Variants in LMTK2 observed in about 807,000 individuals in gnomAD.
The protein encoded by LMTK2 is lemur tail kinase 2.
A neutral mutation model predicts 127.5 loss-of-function variants in LMTK2; 37 were observed. That is an observed-to-expected ratio of 0.29 (90% confidence interval 0.22 to 0.38). The LOEUF is 0.38. Ranked by LOEUF, LMTK2 falls within the 10% of genes least tolerant of loss-of-function variation. The pLI is 1.00. For synonymous variants in LMTK2, 819 were observed against 810.1 expected (o/e 1.01, Z -0.19); for missense variants, 1,694 against 1,920.3 (o/e 0.88, Z 2.20).
At chr7:98,162,187 T>C (rs1797026854) in intron 6 of LMTK2, among the ~76,000 whole-genome samples, 1 of 152,246 alleles carries the variant, frequency 6.6e-6, no homozygotes, top group African/African-American at 2.4e-5. Context: ...TTATAGCAGC[T>C]GTCCTTTTTG....
At chr7:98,203,731 T>C in intron 12 of LMTK2, 25 bp downstream of exon 12, 1 of 1,609,892 alleles carries the variant, frequency 6.2e-7, no homozygotes, top group Non-Finnish European at 8.5e-7. Context: ...TGTCTAGTTT[T>C]AAAGGAAACT....
rs1329727111 is a variant in LMTK2, at chr7:98,208,473, A to G, written c.*2981A>G. The G allele has an allele frequency of 6.6e-6, 1 of 152,216 alleles. No homozygotes were observed. Among genetic ancestry groups the G allele is most frequent in the Non-Finnish European group, 1.5e-5 (1 of 68,046 alleles). The allele number at this position is 152,216 out of a possible 1,614,324, so 9.4% of individuals were successfully genotyped here. A position where few individuals can be genotyped will look rare whatever the true frequency, so the allele number is the denominator to read the frequency against. ...CTTGTTCTAATAAGTTGTACAATGA[A>G]CTAAATCAGTGGCATTCTCTAGATA... On this transcript the variant is annotated 3_prime_UTR_variant, in exon 14 of 14. Transcript: ENST00000297293.
chr7:98,130,672 C>T (rs1796508499), intron 1 of LMTK2, among the ~76,000 whole-genome samples: 1 of 152,092 alleles, frequency 6.6e-6, no homozygotes, highest in South Asian at 2.1e-4. Context: ...GACACAGACA[C>T]ACGTAGAGGG....
At chr7:98,172,631 G>T (rs1797211297) in intron 7 of LMTK2, among the ~76,000 whole-genome samples, 1 of 152,156 alleles carries the variant, frequency 6.6e-6, no homozygotes, top group Non-Finnish European at 1.5e-5. Flanking sequence ...GGTCTCCAGG[G>T]AAACCAGGCA....
intron 7 of LMTK2, among the ~76,000 whole-genome samples, chr7:98,179,333 G>C (rs1403860407): frequency 6.6e-6 from 1 of 152,192 alleles, no homozygotes; most frequent in Non-Finnish European, 1.5e-5. Context: ...GGCCTAGCAG[G>C]ATGCGTGCTT....
At chr7:98,179,651 C>G (rs1325658628) in intron 7 of LMTK2, among the ~76,000 whole-genome samples, 1 of 146,520 alleles carries the variant, frequency 6.8e-6, no homozygotes, top group Admixed American at 7.1e-5. Context: ...CCCTCTCTCC[C>G]TTGCTTAATT....
Position 98,205,523 on chromosome 7 carries a change from G to A in LMTK2, c.*31G>A, listed in dbSNP as rs1797777760. The A allele has an allele frequency of 1.9e-6, 3 of 1,610,582 alleles. No homozygotes were observed. The highest frequency in any genetic ancestry group is 2.5e-6 in the Non-Finnish European group (3 of 1,179,648). ...TGCCAACGCGCACGCTCGGGTCCGA[G>A]GCTGCTCCCCTGGAGCGGCGCCCCT... On this transcript the variant is annotated 3_prime_UTR_variant, in exon 14 of 14. Coordinates refer to ENST00000297293, the MANE Select transcript of LMTK2 (RefSeq NM_014916.4).
chr7:98,110,016 G>A (rs998280278), intron 1 of LMTK2, among the ~76,000 whole-genome samples: 2 of 152,282 alleles, frequency 1.3e-5, no homozygotes, highest in South Asian at 2.1e-4. Context: ...TAATCTAGGA[G>A]CCTGCACTCC....
intron 1 of LMTK2, among the ~76,000 whole-genome samples, chr7:98,107,667 C>G (rs1796134209): frequency 6.6e-6 from 1 of 152,184 alleles, no homozygotes; most frequent in Admixed American, 6.5e-5. Context: ...TTTCTTAGCC[C>G]TAATCATACT....
At chr7:98,115,331 G>A (rs1269029004) in intron 1 of LMTK2, among the ~76,000 whole-genome samples, 1 of 151,862 alleles carries the variant, frequency 6.6e-6, no homozygotes, top group African/African-American at 2.4e-5. Context: ...CAGGAGAGTC[G>A]CTTGAACCCA....
intron 7 of LMTK2, among the ~76,000 whole-genome samples, chr7:98,178,222 T>A (rs987492385): frequency 2.6e-5 from 4 of 152,208 alleles, no homozygotes; most frequent in African/African-American, 9.7e-5. Flanking sequence ...ACTCTTCTTA[T>A]CAGGAATCCA....
At chr7:98,146,536 A>G (rs186952117) in intron 3 of LMTK2, among the ~76,000 whole-genome samples, 15 of 151,842 alleles carry the variant, frequency 9.9e-5, no homozygotes, top group Non-Finnish European at 1.5e-5. Flanking sequence ...TTTGGATTAT[A>G]TTTTTAAATG....
At chr7:98,125,536 A>G (rs371163081) in intron 1 of LMTK2, among the ~76,000 whole-genome samples, 4 of 152,104 alleles carry the variant, frequency 2.6e-5, no homozygotes, top group Non-Finnish European at 4.4e-5. Flanking sequence ...GGTGAACTTC[A>G]CAGTAGGGTG....
intron 1 of LMTK2, 100 bp from the exon 2 acceptor site, chr7:98,137,215 C>A: frequency 1.8e-6 from 2 of 1,095,748 alleles, no homozygotes; most frequent in Non-Finnish European, 2.6e-6. Flanking sequence ...TTTTATTAAC[C>A]CTTACACCCA....
chr7:98,121,501 T>C (rs745638331), intron 1 of LMTK2, among the ~76,000 whole-genome samples: 37 of 150,700 alleles, frequency 2.5e-4, no homozygotes, highest in Non-Finnish European at 1.8e-4. Context: ...GGCATGGTGG[T>C]GTGCACCTTT....
intron 1 of LMTK2, among the ~76,000 whole-genome samples, chr7:98,131,591 A>T (rs1018522795): frequency 6.6e-6 from 1 of 151,852 alleles, no homozygotes; most frequent in Non-Finnish European, 1.5e-5. Flanking sequence ...ATAGGTGGTG[A>T]TGTGTTTTTC....
intron 1 of LMTK2, among the ~76,000 whole-genome samples, chr7:98,118,495 C>T (rs1265965319): frequency 6.6e-6 from 1 of 152,040 alleles, no homozygotes; most frequent in African/African-American, 2.4e-5. Flanking sequence ...TGTAGACTTG[C>T]TTTGATCTGT....
intron 10 of LMTK2, among the ~76,000 whole-genome samples, 175 bp downstream of exon 10, chr7:98,191,052 C>T (rs61063100): frequency 1.3e-5 from 2 of 151,980 alleles, no homozygotes; most frequent in Non-Finnish European, 2.9e-5. Flanking sequence ...AGAAATGTTT[C>T]GGGTGTTGAG....
At chr7:98,190,428 A>G (rs1197838248) in intron 9 of LMTK2, among the ~76,000 whole-genome samples, 1 of 152,200 alleles carries the variant, frequency 6.6e-6, no homozygotes, top group Non-Finnish European at 1.5e-5. Flanking sequence ...CTAAAATTAT[A>G]AAAATTGGCA....
Sources: gnomAD v4.1 joint callset for allele counts (sites outside exome capture counted in the v4.1 genomes callset) on GRCh38, gnomAD v4.1.1 for gene constraint, MANE v1.5 for transcripts, NCBI Gene and HGNC (gene_info 2026-07-23, HGNC 2026-07-21) for gene names.